The following QSER1 variants were observed in gnomAD, a reference collection of about 807,000 sequenced individuals.
QSER1 encodes glutamine and serine rich 1, also known as glutamine and serine-rich protein 1.
A neutral mutation model predicts 158.5 loss-of-function variants in QSER1; 49 were observed. The observed-to-expected ratio is 0.31, with a 90% CI of 0.25 to 0.39. The LOEUF (loss-of-function observed/expected upper bound fraction) is 0.39, where lower values mean the gene tolerates loss of function less well. Among genes scored for constraint, QSER1 ranks in the 10% least tolerant of loss-of-function variants. The pLI, the probability that QSER1 is intolerant of heterozygous loss-of-function variation, is 1.00. For missense variants in QSER1, 1,754 were observed against 2,010.3 expected, an observed-to-expected ratio of 0.87 and a Z score of 2.44; for synonymous variants, 650 against 715.5, an observed-to-expected ratio of 0.91 and a Z score of 1.46.
intron 1 of QSER1, among the ~76,000 whole-genome samples, chr11:32,925,525 T>TA (rs921072830): frequency 6.7e-6 from 1 of 148,292 alleles, no homozygotes; most frequent in Non-Finnish European, 1.5e-5. Flanking sequence ...TTTATTTATT[T>TA]ATTTATTTAT....
intron 1 of QSER1, among the ~76,000 whole-genome samples, chr11:32,904,527 G>A (rs1246093437): frequency 7.9e-5 from 12 of 151,346 alleles, no homozygotes. Context: ...CCGTGAATAT[G>A]AATATGTGTA....
intron 8 of QSER1, among the ~76,000 whole-genome samples, chr11:32,965,128 T>C (rs1465995984): frequency 6.6e-6 from 1 of 152,150 alleles, no homozygotes; most frequent in Admixed American, 6.5e-5. Context: ...TTTTTCTTTA[T>C]GAGACAGGGT....
intron 1 of QSER1, among the ~76,000 whole-genome samples, chr11:32,925,494 TTTTATTTATTTA>T (rs374397828): frequency 0.13 from 18,745 of 143,486 alleles, 1,330 homozygotes; most frequent in Non-Finnish European, 0.16. Context: ...TACATCGCTT[TTTTATTTATTTA>T]TTTATTTATT....
At position 32,957,222 on chromosome 11, in the gene QSER1, A is replaced by T. The variant is rs184594304; in HGVS notation, c.4752-647A>T. 7.3e-3 allele frequency among the ~76,000 whole-genome samples: 1,008 copies of T among 138,180 alleles called. 12 individuals are homozygous for T. Among genetic ancestry groups the T allele is most frequent in the Non-Finnish European group, 6.9e-3 (443 of 64,670 alleles). 90.7% of individuals were successfully genotyped at this position (138,180 alleles called of 152,430 possible). On this transcript the variant is annotated intron_variant, in intron 7 of 12. Coordinates refer to ENST00000650167, the MANE Select transcript of QSER1 (RefSeq NM_001076786.3). ...AGCGGCGTGATCTTGGCTCACTGCA[A>T]CCTCCACCTCCCGGGTTCAAGCGAT...
chr11:32,957,035 G>C (rs893221581), intron 7 of QSER1, among the ~76,000 whole-genome samples: 99 of 152,062 alleles, frequency 6.5e-4, no homozygotes, highest in African/African-American at 2.3e-3. Context: ...AAAATGCTGG[G>C]ATTACAGGCA....
chr11:32,895,470 T>C (rs993588186), intron 1 of QSER1, among the ~76,000 whole-genome samples: 2 of 152,218 alleles, frequency 1.3e-5, no homozygotes, highest in South Asian at 4.1e-4. Context: ...ATATCAAAAA[T>C]GGCAAATCTG....
rs377136025 is a variant in QSER1 at position 32,962,545 on chromosome 11, C to A, written c.4970-3755C>A. Among the ~76,000 whole-genome samples, 6 of 151,996 alleles carry A rather than the reference C, an allele frequency of 3.9e-5. No individual in the cohort carries two copies. The East Asian group carries it at 7.7e-4, about 20-fold the overall frequency. ...ATGAAGCCCAATTTACTTATTTTTT[C>A]TTTTGTTACTCAGCTTTTGTTCACA... is the stretch of plus-strand genomic sequence containing the variant. On this transcript the variant is annotated intron_variant, in intron 8 of 12. Coordinates refer to ENST00000650167, the MANE Select transcript of QSER1 (RefSeq NM_001076786.3).
intron 8 of QSER1, among the ~76,000 whole-genome samples, chr11:32,964,849 G>C (rs1395845885): frequency 1.3e-5 from 2 of 149,510 alleles, no homozygotes; most frequent in East Asian, 3.9e-4. Context: ...GCTATTTAAG[G>C]GTGTGACTTG....
chr11:32,910,428 A>G (rs1032673619), intron 1 of QSER1, among the ~76,000 whole-genome samples: 4 of 152,158 alleles, frequency 2.6e-5, no homozygotes, highest in Non-Finnish European at 5.9e-5. Flanking sequence ...CATAATATCT[A>G]ATATTTGTTG....
At chr11:32,917,291 G>T (rs1264745091) in intron 1 of QSER1, among the ~76,000 whole-genome samples, 1 of 152,104 alleles carries the variant, frequency 6.6e-6, no homozygotes, top group East Asian at 1.9e-4. Context: ...TCCACCTTTT[G>T]ACTATTATGA....
chr11:32,932,524 G>C lies in QSER1; in HGVS notation c.1266G>C (p.Lys422Asn). The change falls in exon 4 of 13, where the codon AAG (lysine) becomes AAC (asparagine). Residue 422 changes from lysine (K) to asparagine (N), a missense_variant. By Grantham distance (94) the Lys-to-Asn change is moderately conservative. Around this residue, in one of 2 missense-constraint regions of QSER1, gnomAD observed 1,707 missense variants for 1,919.6 expected, o/e 0.89. Coordinates refer to ENST00000650167, the MANE Select transcript of QSER1 (RefSeq NM_001076786.3). Reference sequence around the variant, plus strand: ...CAGAACAACCACTGACATCAACCAAGACCCCTAAACCTCAAAGTATAATTC... The same window carrying C: ...CAGAACAACCACTGACATCAACCAACACCCCTAAACCTCAAAGTATAATTC... ...CSTEQPLTST[K>N]TPKPQSIIPP... 6.2e-7 allele frequency: 1 copy of C among 1,614,030 alleles called. No individual in the cohort carries two copies. Among genetic ancestry groups the C allele is most frequent in the Non-Finnish European group, 8.5e-7 (1 of 1,180,004 alleles).
intron 4 of QSER1, among the ~76,000 whole-genome samples, chr11:32,942,041 T>C (rs1430154921): frequency 1.3e-5 from 2 of 149,182 alleles, no homozygotes; most frequent in African/African-American, 2.5e-5. Context: ...TTTTGAGAAG[T>C]GTCTGTTCAT....
At chr11:32,925,275 T>C (rs1172230350) in intron 1 of QSER1, among the ~76,000 whole-genome samples, 1 of 152,172 alleles carries the variant, frequency 6.6e-6, no homozygotes, top group East Asian at 1.9e-4. Context: ...CCTAGATCTT[T>C]TAAAAGGGCT....
rs140446113 is a variant in QSER1 at position 32,975,996 on chromosome 11, T to G, written c.5455-338T>G. 5.8e-3 allele frequency among the ~76,000 whole-genome samples: 878 copies of G among 152,322 alleles called. 12 individuals are homozygous for G. The highest frequency in any genetic ancestry group is 0.02 in the African/African-American group (832 of 41,578). On this transcript the variant is annotated intron_variant, in intron 12 of 12. Transcript: ENST00000650167. Reference sequence around the variant, plus strand: ...GTAGTCTGGTATGGAAAGATGCTCATAAATCTAACCTTTATATAGCAAAAG... The same window carrying G: ...GTAGTCTGGTATGGAAAGATGCTCAGAAATCTAACCTTTATATAGCAAAAG...
At chr11:32,940,097 A>G (rs1852208416) in intron 4 of QSER1, among the ~76,000 whole-genome samples, 1 of 152,058 alleles carries the variant, frequency 6.6e-6, no homozygotes, top group Non-Finnish European at 1.5e-5. Context: ...CCTTGTTTCT[A>G]GGTTCCTTTT....
At position 32,935,271 on chromosome 11, in the gene QSER1, G is replaced by A. The variant is rs745488618; in HGVS notation, c.4013G>A (p.Gly1338Asp). 3 of 1,613,808 alleles carry A rather than the reference G, an allele frequency of 1.9e-6. No individual in the cohort carries two copies. The highest frequency in any genetic ancestry group is 2.5e-6 in the Non-Finnish European group (3 of 1,179,906). ...TPTPLVSETG[G>D]NSPSDKVDNE... is the part of the protein sequence containing the mutation. ...ACACCTTTAGTGTCTGAAACTGGCG[G>A]TAACAGTCCATCAGATAAAGTTGAT... Residue 1338 changes from glycine (G) to aspartate (D), a missense_variant, in exon 4 of 13, where the codon GGT becomes GAT. Transcript: ENST00000650167.
At chr11:32,961,097 TA>T (rs1280761166) in intron 8 of QSER1, among the ~76,000 whole-genome samples, 1 of 152,244 alleles carries the variant, frequency 6.6e-6, no homozygotes, top group African/African-American at 2.4e-5. Flanking sequence ...TTTCCAAAAC[TA>T]ACAGTATTTA....
intron 10 of QSER1, among the ~76,000 whole-genome samples, chr11:32,969,946 A>C (rs956874040): frequency 6.6e-6 from 1 of 152,054 alleles, no homozygotes; most frequent in African/African-American, 2.4e-5. Flanking sequence ...TGGCCTCCCA[A>C]AGTGTTGGGA....
At chr11:32,935,623 G>T (rs1852141635) in intron 4 of QSER1, among the ~76,000 whole-genome samples, 188 bp downstream of exon 4, 1 of 152,148 alleles carries the variant, frequency 6.6e-6, no homozygotes, top group Non-Finnish European at 1.5e-5. Context: ...TATGTTTTAG[G>T]TTAAGTAGTT....
Sources: gnomAD v4.1 joint callset for allele counts (sites outside exome capture counted in the v4.1 genomes callset) on GRCh38, gnomAD v4.1.1 for gene constraint, gnomAD v4.1.1 regional missense constraint, MANE v1.5 for transcripts, NCBI Gene and HGNC (gene_info 2026-07-23, HGNC 2026-07-21) for gene names.